Variants in SYVN1 observed in about 807,000 individuals in gnomAD.
SYVN1 encodes synoviolin 1, also known as E3 ubiquitin-protein ligase synoviolin.
A neutral mutation model predicts 62.6 loss-of-function variants in SYVN1; 17 were observed. That is an observed-to-expected ratio of 0.27 (90% CI 0.19 to 0.41). The LOEUF is 0.41. Among genes scored for constraint, SYVN1 ranks in the 10% least tolerant of loss-of-function variants. SYVN1 has a pLI of 1.00. For synonymous variants in SYVN1, 316 were observed against 304.0 expected, an observed-to-expected ratio of 1.04 and a Z score of -0.41; for missense variants, 634 against 818.0, an observed-to-expected ratio of 0.78 and a Z score of 2.74.
chr11:65,129,976 A>G (rs1413473025), intron 13 of SYVN1, 26 bp downstream of exon 13: 2 of 1,598,466 alleles, frequency 1.3e-6, no homozygotes, highest in South Asian at 2.2e-5. Flanking sequence ...ACCCCCAAGA[A>G]GAACCCAGAG....
At position 65,130,309 on chromosome 11, in the gene SYVN1, T is replaced by A; in HGVS notation, c.1176A>T (p.Pro392=). The A allele has an allele frequency of 6.3e-7, 1 of 1,584,592 alleles. No individual in the cohort carries two copies. Among genetic ancestry groups the A allele is most frequent in the Non-Finnish European group, 8.6e-7 (1 of 1,165,578 alleles). Residue 392 remains proline (P), a synonymous_variant, in exon 12 of 16, where the codon CCA becomes CCT. Coordinates refer to ENST00000377190, the MANE Select transcript of SYVN1 (RefSeq NM_172230.3). ...FPLWPPMGPF[P]PVPPPPSSGE... is the part of the protein sequence containing the mutation. ...CTGAGCTGGGGGGAGGCGGGACAGG[T>A]GGAAAGGGGCCCATGGGGGGCCACA...
At chr11:65,132,598 C>T in intron 5 of SYVN1, 134 bp downstream of exon 5, 6 of 1,127,682 alleles carry the variant, frequency 5.3e-6, no homozygotes, top group Non-Finnish European at 8.0e-6. Context: ...TAGAGTGGAA[C>T]AGCACAGAGA....
intron 6 of SYVN1, among the ~76,000 whole-genome samples, chr11:65,131,867 T>C (rs1289374625): frequency 6.6e-6 from 1 of 152,202 alleles, no homozygotes; most frequent in African/African-American, 2.4e-5. Context: ...GAGCTCAGCA[T>C]AGGGCCTGGT....
chr11:65,130,876 G>C (rs1003252388), intron 10 of SYVN1, 44 bp downstream of exon 10: 12 of 1,611,216 alleles, frequency 7.4e-6, no homozygotes, highest in Non-Finnish European at 1.0e-5. Flanking sequence ...CCTGCCTTCT[G>C]GGGCCTGTGC....
chr11:65,131,483 T>G lies in SYVN1; in HGVS notation c.645A>C (p.Thr215=), dbSNP rs1473574210. 7 of 1,613,770 alleles carry G rather than the reference T, an allele frequency of 4.3e-6. No individual in the cohort carries two copies. The highest frequency in any genetic ancestry group is 5.1e-6 in the Non-Finnish European group (6 of 1,179,716). The change falls in exon 7 of 16, where the codon ACA becomes ACC. Residue 215 remains threonine (T), a synonymous_variant. Coordinates refer to ENST00000377190, the MANE Select transcript of SYVN1 (RefSeq NM_172230.3). ...WDNKAVYMLY[T]ELFTGFIKVL... ...GGCCCCTCTCACCTGTAAACAGCTCTGTGTAGAGCATGTACACAGCCTTGT... is the reference window on the plus strand; with the variant it reads ...GGCCCCTCTCACCTGTAAACAGCTCGGTGTAGAGCATGTACACAGCCTTGT...
Position 65,130,769 on chromosome 11 carries a change from A to G in SYVN1, c.996T>C (p.Asp332=). 1 of 1,544,328 alleles carries G rather than the reference A, an allele frequency of 6.5e-7. No individual in the cohort carries two copies. Among genetic ancestry groups the G allele is most frequent in the Non-Finnish European group, 8.7e-7 (1 of 1,150,098 alleles). The change falls in exon 11 of 16, where the codon GAT becomes GAC. Residue 332 remains aspartate, a synonymous_variant. Coordinates refer to ENST00000377190, the MANE Select transcript of SYVN1 (RefSeq NM_172230.3). ...RQQTCPTCRM[D]VLRASLPAQS... The stretch of plus-strand genomic sequence containing the variant: ...GCGCTGGCAGCGATGCACGAAGGAC[A>G]TCCATACGGCAGGTGGGGCAGGTCT...
In SYVN1 at chr11:65,132,799, G is replaced by T. The variant is rs3825073; in HGVS notation, c.379-19C>A. 268,839 of 1,613,450 alleles carry T rather than the reference G, an allele frequency of 0.17. 25,067 individuals carry two copies. The highest frequency in any genetic ancestry group is 0.34 in the Admixed American group (20,529 of 59,966). ...GTTCCATCTGAGGCAGAGCACAGAA[G>T]AGGCCTGTCAGGAGGCCTGGGGCTC... On this transcript the variant is annotated intron_variant, in intron 4 of 15. Transcript: ENST00000377190.
rs774729965 is a variant in SYVN1 at position 65,131,603 on chromosome 11, GGA to G, written c.532-9_532-8del. Reference sequence around the variant, plus strand: ...TCGTCATCAGGATGGCATACTGAAGGGAGAGGGGGACGAGGGGGATGTAAACA... The same window carrying G: ...TCGTCATCAGGATGGCATACTGAAGGGAGGGGGACGAGGGGGATGTAAACA... On this transcript the variant is annotated splice_polypyrimidine_tract_variant and splice_region_variant and intron_variant, in intron 6 of 15. Coordinates refer to ENST00000377190, the MANE Select transcript of SYVN1 (RefSeq NM_172230.3). The G allele has an allele frequency of 1.2e-5, 20 of 1,612,982 alleles. No individual in the cohort carries two copies. Among genetic ancestry groups the G allele is most frequent in the Non-Finnish European group, 8.5e-7 (1 of 1,179,928 alleles).
At position 65,133,774 on chromosome 11, in the gene SYVN1, C is replaced by G. The variant is rs546108736; in HGVS notation, c.-17-156G>C. Among the ~76,000 whole-genome samples, 8 of 152,376 alleles carry G rather than the reference C, an allele frequency of 5.3e-5. No individual in the cohort carries two copies. In the East Asian group the frequency reaches 1.5e-3, roughly 29 times the overall value. On this transcript the variant is annotated intron_variant, in intron 1 of 15. Coordinates refer to ENST00000377190, the MANE Select transcript of SYVN1 (RefSeq NM_172230.3). ...GAATAGCTTACGCTACCCCATTTTACAAATTAGACTCGAAGGGGTTAAGTG... is the reference window on the plus strand; with the variant it reads ...GAATAGCTTACGCTACCCCATTTTAGAAATTAGACTCGAAGGGGTTAAGTG...
chr11:65,130,536 T>A, intron 11 of SYVN1, 124 bp downstream of exon 11: 2 of 1,416,698 alleles, frequency 1.4e-6, no homozygotes, highest in South Asian at 3.1e-5. Flanking sequence ...CATCTTTTAA[T>A]CCCTCCCTGG....
Position 65,128,107 on chromosome 11 carries a change from C to T in SYVN1, c.*275G>A, listed in dbSNP as rs528900370. 3 of 563,752 alleles carry T rather than the reference C, an allele frequency of 5.3e-6. No homozygotes were observed. In the African/African-American group the frequency reaches 5.7e-5, roughly 11 times the overall value. 34.9% of individuals were successfully genotyped at this position (563,752 alleles called of 1,614,324 possible). On this transcript the variant is annotated 3_prime_UTR_variant, in exon 16 of 16. Transcript: ENST00000377190. ...GGGGAAGAAGAGGGCTTCTCAGAGG[C>T]TAAACCTTCTGCCTTCATGGCCCCA...
At chr11:65,133,761 C>T in intron 1 of SYVN1, 143 bp from the exon 2 acceptor site, 1 of 699,486 alleles carries the variant, frequency 1.4e-6, no homozygotes, top group Admixed American at 2.7e-5. Flanking sequence ...ATAGCTTACG[C>T]TACCCCATTT....
At chr11:65,132,379 G>T (rs368912717) in intron 5 of SYVN1, 28 bp from the exon 6 acceptor site, 21 of 1,505,068 alleles carry the variant, frequency 1.4e-5, no homozygotes, top group African/African-American at 7.1e-5. Context: ...CATGCAGGGT[G>T]GGGGGGTCAG....
At chr11:65,132,407 G>A (rs1460935329) in intron 5 of SYVN1, 56 bp from the exon 6 acceptor site, 4 of 1,249,512 alleles carry the variant, frequency 3.2e-6, no homozygotes, top group Non-Finnish European at 4.7e-6. Context: ...CCCAACAGCT[G>A]TTTAATGCTC....
At position 65,128,380 on chromosome 11, in the gene SYVN1, T is replaced by C. The variant is rs764544416; in HGVS notation, c.*2A>G. ...AGAGGCTGGGGCTGGGCTGGGGCAG[T>C]GTCAGTGGGCAACAGGAGACTCCAG... is the stretch of plus-strand genomic sequence containing the variant. On this transcript the variant is annotated 3_prime_UTR_variant, in exon 16 of 16. Transcript: ENST00000377190. 1 of 1,611,098 alleles carries C rather than the reference T, an allele frequency of 6.2e-7. No individual in the cohort carries two copies. The highest frequency in any genetic ancestry group is 1.1e-5 in the South Asian group (1 of 90,918).
intron 14 of SYVN1, chr11:65,128,946 A>C: frequency 1.8e-6 from 1 of 558,836 alleles, no homozygotes; most frequent in Non-Finnish European, 3.2e-6. Context: ...GGGACTGTTG[A>C]CCTGTTCACT....
chr11:65,128,315 G>A lies in SYVN1; in HGVS notation c.*67C>T, dbSNP rs756278357. 3.0e-6 allele frequency: 4 copies of A among 1,328,912 alleles called. No individual in the cohort carries two copies. Among genetic ancestry groups the A allele is most frequent in the South Asian group, 2.5e-5 (2 of 81,352 alleles). 82.3% of individuals were successfully genotyped at this position (1,328,912 alleles called of 1,614,324 possible). On this transcript the variant is annotated 3_prime_UTR_variant, in exon 16 of 16. Coordinates refer to ENST00000377190, the MANE Select transcript of SYVN1 (RefSeq NM_172230.3). ...GCAGACAGAGAGGGAGCTGGCACTT[G>A]GTGGCAGGACATGTTCCAGCGAGGG... is the stretch of plus-strand genomic sequence containing the variant.
chr11:65,132,380 G>T (rs767391884), intron 5 of SYVN1, 29 bp from the exon 6 acceptor site: 18 of 1,500,820 alleles, frequency 1.2e-5, no homozygotes, highest in Admixed American at 1.7e-5. Flanking sequence ...ATGCAGGGTG[G>T]GGGGGTCAGC....
At chr11:65,133,938 C>T (rs1948213997) in intron 1 of SYVN1, among the ~76,000 whole-genome samples, 1 of 152,260 alleles carries the variant, frequency 6.6e-6, no homozygotes, top group Non-Finnish European at 1.5e-5. Flanking sequence ...AGCTGCACCG[C>T]TGACCCTCCG....
Sources: gnomAD v4.1 joint callset for allele counts (sites outside exome capture counted in the v4.1 genomes callset) on GRCh38, gnomAD v4.1.1 for gene constraint, MANE v1.5 for transcripts, NCBI Gene and HGNC (gene_info 2026-07-23, HGNC 2026-07-21) for gene names.